POLA1: variants seen among roughly 807,000 people sequenced by gnomAD.
POLA1 encodes DNA polymerase alpha catalytic subunit.
In POLA1, 15 loss-of-function variants were observed where a neutral mutation model predicts 124.0. The ratio of observed to expected loss-of-function variants is 0.12; its 90% CI spans 0.08 to 0.19. POLA1 has a LOEUF of 0.19. POLA1 is among the 10% of genes least tolerant of loss of function. The pLI is 1.00. For synonymous variants in POLA1, 408 were observed against 389.4 expected (o/e 1.05, Z -0.56); for missense variants, 886 against 1,103.4 (o/e 0.80, Z 2.79).
intron 36 of POLA1, 25 bp from the exon 37 acceptor site, chrX:24,995,778 TTC>T (rs768045077): frequency 2.5e-6 from 3 of 1,178,375 alleles, no homozygotes; most frequent in Admixed American, 4.4e-5. Context: ...TACCTGAGAC[TTC>T]TAATCTCTCT....
At chrX:24,715,731 G>C (rs1003760089) in intron 6 of POLA1, among the ~76,000 whole-genome samples, 4 of 111,838 alleles carry the variant, frequency 3.6e-5, no homozygotes, top group African/African-American at 1.3e-4. Context: ...TGATTATGTA[G>C]ATAGGGATGT....
Position 24,926,039 on chromosome X carries a change from GT to G in POLA1, c.4165-4399del, listed in dbSNP as rs770513358. 8.8e-4 allele frequency among the ~76,000 whole-genome samples: 88 copies of G among 100,440 alleles called. 1 individual carries two copies. The highest frequency in any genetic ancestry group is 5.2e-3 in the Middle Eastern group (1 of 193). The allele number at this position is 100,440 out of a possible 115,157, so 87.2% of individuals were successfully genotyped here. A position where few individuals can be genotyped will look rare whatever the true frequency, so the allele number is the denominator to read the frequency against. On this transcript the variant is annotated intron_variant, in intron 35 of 36. Coordinates refer to ENST00000379068, the MANE Select transcript of POLA1 (RefSeq NM_001330360.2). ...TAGCAAGACCTCATCTCTACTAAAA[GT>G]TTTTTTTTTTTTTTAGTTAGCTGGG...
At chrX:24,729,975 T>G in intron 15 of POLA1, among the ~76,000 whole-genome samples, 1 of 110,114 alleles carries the variant, frequency 9.1e-6, no homozygotes, top group Non-Finnish European at 1.9e-5. Flanking sequence ...TGGTTAATTT[T>G]TAGCAGAGGC....
intron 34 of POLA1, among the ~76,000 whole-genome samples, chrX:24,870,638 A>G: frequency 8.9e-6 from 1 of 111,865 alleles, no homozygotes; most frequent in Non-Finnish European, 1.9e-5. Flanking sequence ...TTTATTATAT[A>G]AAACATCAAA....
At chrX:24,921,025 C>G (rs1026904374) in intron 35 of POLA1, among the ~76,000 whole-genome samples, 1 of 111,789 alleles carries the variant, frequency 8.9e-6, no homozygotes, top group Non-Finnish European at 1.9e-5. Context: ...TAAGAGGTTT[C>G]AAACAAACCA....
chrX:24,785,466 C>G (rs1300303010), intron 26 of POLA1, among the ~76,000 whole-genome samples: 1 of 111,501 alleles, frequency 9.0e-6, no homozygotes, highest in Non-Finnish European at 1.9e-5. Context: ...ATACTAAATT[C>G]TAGATAGGTG....
At chrX:24,905,733 T>C (rs972540153) in intron 35 of POLA1, among the ~76,000 whole-genome samples, 1 of 110,891 alleles carries the variant, frequency 9.0e-6, no homozygotes, top group Non-Finnish European at 1.9e-5. Flanking sequence ...CGGCTAATTT[T>C]TGTATTTTTA....
At chrX:24,955,780 A>G (rs2048099476) in intron 36 of POLA1, among the ~76,000 whole-genome samples, 1 of 111,509 alleles carries the variant, frequency 9.0e-6, no homozygotes, top group African/African-American at 3.3e-5. Flanking sequence ...GTTTACTTTG[A>G]TCTTCTGTTG....
At chrX:24,959,243 A>T (rs1487236776) in intron 36 of POLA1, among the ~76,000 whole-genome samples, 3 of 111,515 alleles carry the variant, frequency 2.7e-5, no homozygotes, top group Non-Finnish European at 5.6e-5. Context: ...CAGTGGGCGG[A>T]TCACGAGGTC....
intron 36 of POLA1, among the ~76,000 whole-genome samples, chrX:24,943,168 A>C (rs2047925553): frequency 8.9e-6 from 1 of 112,742 alleles, no homozygotes; most frequent in Non-Finnish European, 1.9e-5. Context: ...AAGTATTTTG[A>C]CATGAAAATT....
At chrX:24,987,767 C>T (rs2048495239) in intron 36 of POLA1, among the ~76,000 whole-genome samples, 1 of 111,225 alleles carries the variant, frequency 9.0e-6, no homozygotes, top group African/African-American at 3.3e-5. Context: ...TTTATCCTTC[C>T]CCAGTGTGCA....
At chrX:24,987,061 G>A (rs2048488064) in intron 36 of POLA1, among the ~76,000 whole-genome samples, 1 of 111,975 alleles carries the variant, frequency 8.9e-6, no homozygotes, top group African/African-American at 3.2e-5. Context: ...TGAGATTAGG[G>A]TACAAAAGAT....
chrX:24,884,127 C>T (rs1158432709), intron 34 of POLA1, among the ~76,000 whole-genome samples: 2 of 110,991 alleles, frequency 1.8e-5, no homozygotes, highest in African/African-American at 3.3e-5. Flanking sequence ...TTTTCAAATA[C>T]CTGTTATATT....
In POLA1 at chrX:24,742,071, A is replaced by G; in HGVS notation, c.2416A>G (p.Asn806Asp). The part of the protein sequence containing the change: ...FLLLHAFYEN[N>D]YIVPDKQIFR... ...GTTGCTTCATGCATTTTACGAAAAC[A>G]ACTATATTGTGCCTGACAAGCAGAT... Residue 806 changes from asparagine to aspartate, a missense_variant, in exon 22 of 37, where the codon AAC becomes GAC. Coordinates refer to ENST00000379068, the MANE Select transcript of POLA1 (RefSeq NM_001330360.2). 1.7e-6 allele frequency: 2 copies of G among 1,206,746 alleles called. No homozygotes were observed. Among genetic ancestry groups the G allele is most frequent in the Non-Finnish European group, 2.2e-6 (2 of 891,970 alleles).
intron 26 of POLA1, among the ~76,000 whole-genome samples, chrX:24,766,643 T>C (rs1274371344): frequency 9.0e-6 from 1 of 111,539 alleles, no homozygotes; most frequent in Non-Finnish European, 1.9e-5. Flanking sequence ...TTGGAGATGA[T>C]GGTTGGCAAG....
chrX:24,853,847 C>G (rs1477845557), intron 34 of POLA1, among the ~76,000 whole-genome samples: 3 of 111,911 alleles, frequency 2.7e-5, no homozygotes, highest in Non-Finnish European at 3.8e-5. Flanking sequence ...GACAGTTACA[C>G]AGGTGCTTTT....
chrX:24,890,749 C>A, intron 35 of POLA1, among the ~76,000 whole-genome samples: 1 of 111,941 alleles, frequency 8.9e-6, no homozygotes, highest in East Asian at 2.8e-4. Context: ...TTTTGGTATA[C>A]CTTTGATGAT....
chrX:24,727,149 A>G, intron 14 of POLA1, 78 bp downstream of exon 14: 2 of 869,742 alleles, frequency 2.3e-6, no homozygotes, highest in Non-Finnish European at 3.3e-6. Context: ...TAGGAAATTG[A>G]TCTATTTATT....
chrX:24,854,772 T>C (rs1476236084), intron 34 of POLA1, among the ~76,000 whole-genome samples: 1 of 108,690 alleles, frequency 9.2e-6, no homozygotes, highest in East Asian at 2.9e-4. Context: ...GAGGTTGCAA[T>C]GAGCTGAGAT....
Sources: allele counts gnomAD v4.1 joint callset (sites outside exome capture counted in the v4.1 genomes callset), GRCh38; gene constraint gnomAD v4.1.1; transcripts MANE v1.5; gene names NCBI Gene and HGNC (gene_info 2026-07-23, HGNC 2026-07-21).